CNTNAP2: variants seen among roughly 807,000 people sequenced by gnomAD.
CNTNAP2 encodes the protein contactin associated protein 2, also known as contactin-associated protein-like 2.
Under a neutral mutation model 155.2 loss-of-function variants are expected in CNTNAP2, and 98 were observed. The observed-to-expected ratio is 0.63, with a 90% CI of 0.54 to 0.75. The LOEUF (loss-of-function observed/expected upper bound fraction) is 0.75, where lower values mean the gene tolerates loss of function less well. Ranked by LOEUF, CNTNAP2 falls within the 30% of genes least tolerant of loss-of-function variation. The pLI is 0.00. For synonymous variants in CNTNAP2, 651 were observed against 631.2 expected (o/e 1.03, Z -0.47); for missense variants, 1,727 against 1,688.1 (o/e 1.02, Z -0.40).
At chr7:147,406,527 A>G (rs1243970722) in intron 10 of CNTNAP2, among the ~76,000 whole-genome samples, 1 of 152,194 alleles carries the variant, frequency 6.6e-6, no homozygotes, top group Non-Finnish European at 1.5e-5. Flanking sequence ...CTGCCCAAAA[A>G]CTAGTTTTAA....
At chr7:147,672,333 G>C (rs1338120364) in intron 13 of CNTNAP2, 1 of 152,142 alleles carries the variant, frequency 6.6e-6, no homozygotes, top group Non-Finnish European at 1.5e-5. Context: ...CAAAGTTATA[G>C]AAAATGACAT....
At chr7:147,554,701 A>G (rs1165214733) in intron 11 of CNTNAP2, among the ~76,000 whole-genome samples, 1 of 152,192 alleles carries the variant, frequency 6.6e-6, no homozygotes, top group East Asian at 1.9e-4. Context: ...ATATGCAGGG[A>G]AAGATCATGA....
chr7:148,261,668 G>T (rs778168460), intron 20 of CNTNAP2, among the ~76,000 whole-genome samples: 11 of 152,170 alleles, frequency 7.2e-5, no homozygotes, highest in Non-Finnish European at 1.6e-4. Context: ...AGTGCAGGTG[G>T]GGGAGCAGGC....
At chr7:147,158,947 T>C (rs1801976014) in intron 8 of CNTNAP2, among the ~76,000 whole-genome samples, 1 of 152,138 alleles carries the variant, frequency 6.6e-6, no homozygotes, top group African/African-American at 2.4e-5. Flanking sequence ...AAAAGTTGTT[T>C]TATGTATAAA....
At chr7:146,368,431 T>C (rs1017082781) in intron 1 of CNTNAP2, among the ~76,000 whole-genome samples, 28 of 152,010 alleles carry the variant, frequency 1.8e-4, no homozygotes, top group African/African-American at 6.0e-4. Context: ...TACGGTACGG[T>C]GTGGTATGGT....
chr7:147,747,702 C>A (rs1172889880), intron 13 of CNTNAP2, among the ~76,000 whole-genome samples: 1 of 152,160 alleles, frequency 6.6e-6, no homozygotes, highest in Non-Finnish European at 1.5e-5. Context: ...GTACTACTTT[C>A]CATTCCCACT....
At chr7:146,716,937 G>T (rs565302007) in intron 1 of CNTNAP2, among the ~76,000 whole-genome samples, 2 of 152,010 alleles carry the variant, frequency 1.3e-5, no homozygotes, top group African/African-American at 2.4e-5. Context: ...AAATAAATGG[G>T]GGCCTCAATT....
At chr7:148,339,572 G>T (rs1314374355) in intron 21 of CNTNAP2, 1 of 152,292 alleles carries the variant, frequency 6.6e-6, no homozygotes, top group Admixed American at 6.5e-5. Flanking sequence ...GACCCGGCCA[G>T]TGGGAAAGCC....
intron 13 of CNTNAP2, among the ~76,000 whole-genome samples, chr7:147,661,986 A>T (rs1474926001): frequency 6.6e-6 from 1 of 151,966 alleles, no homozygotes; most frequent in South Asian, 2.1e-4. Flanking sequence ...ATTACCAAGG[A>T]CCTCTCCTTA....
In CNTNAP2 at chr7:148,159,693, A is replaced by G. The variant is rs537403038; in HGVS notation, c.2773+11984A>G. Among the ~76,000 whole-genome samples the G allele has an allele frequency of 3.3e-5, 5 of 152,246 alleles. No individual in the cohort carries two copies. The South Asian group carries it at 8.3e-4, about 25-fold the overall frequency. ...TGTGTCCCCAGAATTACTGAGTCATAGAGTATGTGTGTACCTAATTTCACT... is the reference window on the plus strand; with the variant it reads ...TGTGTCCCCAGAATTACTGAGTCATGGAGTATGTGTGTACCTAATTTCACT... On this transcript the variant is annotated intron_variant, in intron 17 of 23. Coordinates refer to ENST00000361727, the MANE Select transcript of CNTNAP2 (RefSeq NM_014141.6).
chr7:148,176,815 G>A (rs756587725), intron 18 of CNTNAP2, among the ~76,000 whole-genome samples: 25 of 152,142 alleles, frequency 1.6e-4, no homozygotes, highest in Admixed American at 3.3e-4. Context: ...CATCGGCTGA[G>A]GCTGAGGGGA....
intron 20 of CNTNAP2, among the ~76,000 whole-genome samples, chr7:148,260,603 G>A (rs191376415): frequency 6.6e-5 from 10 of 152,262 alleles, no homozygotes; most frequent in Non-Finnish European, 1.5e-4. Context: ...GTTAAAATGG[G>A]GTGATAAATA....
chr7:146,540,381 G>A (rs772412348), intron 1 of CNTNAP2, among the ~76,000 whole-genome samples: 3 of 151,884 alleles, frequency 2.0e-5, no homozygotes, highest in Non-Finnish European at 4.4e-5. Flanking sequence ...AGATTACTCT[G>A]GTATCATTCT....
intron 1 of CNTNAP2, among the ~76,000 whole-genome samples, chr7:146,555,748 G>A (rs1037642895): frequency 1.3e-5 from 2 of 152,166 alleles, no homozygotes; most frequent in South Asian, 2.1e-4. Flanking sequence ...TTGATTGTGT[G>A]GTAGAAAAAC....
At chr7:147,940,818 C>T (rs1480550897) in intron 14 of CNTNAP2, among the ~76,000 whole-genome samples, 2 of 152,124 alleles carry the variant, frequency 1.3e-5, no homozygotes, top group East Asian at 3.9e-4. Flanking sequence ...AATTACAAGG[C>T]ATAAGCCATC....
At chr7:146,472,883 A>G (rs1333302953) in intron 1 of CNTNAP2, among the ~76,000 whole-genome samples, 2 of 151,056 alleles carry the variant, frequency 1.3e-5, no homozygotes, top group Non-Finnish European at 2.9e-5. Context: ...TCATTTTTAT[A>G]TATTATAATT....
At chr7:147,071,657 C>G (rs1297661669) in intron 4 of CNTNAP2, among the ~76,000 whole-genome samples, 1 of 152,132 alleles carries the variant, frequency 6.6e-6, no homozygotes, top group Non-Finnish European at 1.5e-5. Context: ...AAGCTGAGAT[C>G]TGTAAAATGA....
chr7:147,946,288 G>T (rs1800818992), intron 14 of CNTNAP2, among the ~76,000 whole-genome samples: 1 of 152,078 alleles, frequency 6.6e-6, no homozygotes, highest in Non-Finnish European at 1.5e-5. Context: ...TATTAACATT[G>T]TGCTGCCATG....
At chr7:146,407,031 G>T (rs994464964) in intron 1 of CNTNAP2, among the ~76,000 whole-genome samples, 1 of 152,198 alleles carries the variant, frequency 6.6e-6, no homozygotes, top group African/African-American at 2.4e-5. Context: ...TCAATAGCAT[G>T]CCTGTATTGG....
Sources: gnomAD v4.1 joint callset for allele counts (sites outside exome capture counted in the v4.1 genomes callset) on GRCh38, gnomAD v4.1.1 for gene constraint, MANE v1.5 for transcripts, NCBI Gene and HGNC (gene_info 2026-07-23, HGNC 2026-07-21) for gene names.